LRRTM4: variants seen among roughly 807,000 people sequenced by gnomAD.
LRRTM4 encodes leucine rich repeat transmembrane neuronal 4.
LRRTM4 carries 25 observed loss-of-function variants against 47.6 expected under a neutral mutation model. That is an observed-to-expected ratio of 0.53 (90% CI 0.38 to 0.73). The LOEUF is 0.73. Among genes scored for constraint, LRRTM4 ranks in the 30% least tolerant of loss-of-function variants. LRRTM4 has a pLI of 0.00. For synonymous variants in LRRTM4, 311 were observed against 269.5 expected, an observed-to-expected ratio of 1.15 and a Z score of -1.51; for missense variants, 638 against 713.4, an observed-to-expected ratio of 0.89 and a Z score of 1.20.
intron 3 of LRRTM4, among the ~76,000 whole-genome samples, chr2:76,991,213 A>C (rs1161680364): frequency 6.6e-6 from 1 of 151,662 alleles, no homozygotes; most frequent in Non-Finnish European, 1.5e-5. Flanking sequence ...CAAATTAATG[A>C]TCTAACATTA....
chr2:77,450,605 CTT>C (rs1288683427), intron 3 of LRRTM4, among the ~76,000 whole-genome samples: 2 of 152,086 alleles, frequency 1.3e-5, no homozygotes, highest in African/African-American at 4.8e-5. Context: ...TGTTGCCTCT[CTT>C]TGTCTCTAGA....
At chr2:76,988,792 G>A (rs767461575) in intron 3 of LRRTM4, among the ~76,000 whole-genome samples, 1 of 141,674 alleles carries the variant, frequency 7.1e-6, no homozygotes, top group Non-Finnish European at 1.5e-5. Flanking sequence ...CGCGTTACCT[G>A]GACTTGACAT....
At chr2:76,880,149 A>T (rs1179571811) in intron 3 of LRRTM4, among the ~76,000 whole-genome samples, 1 of 152,242 alleles carries the variant, frequency 6.6e-6, no homozygotes, top group Non-Finnish European at 1.5e-5. Context: ...ATAGGGTTTG[A>T]GAGGGTTGAC....
chr2:77,201,804 A>G (rs1163675293), intron 3 of LRRTM4, among the ~76,000 whole-genome samples: 2 of 152,186 alleles, frequency 1.3e-5, no homozygotes, highest in Non-Finnish European at 2.9e-5. Flanking sequence ...AATAGCCATG[A>G]ACCTAACCTC....
At chr2:76,802,767 C>G (rs1364740630) in intron 3 of LRRTM4, among the ~76,000 whole-genome samples, 2 of 152,012 alleles carry the variant, frequency 1.3e-5, no homozygotes, top group Admixed American at 1.3e-4. Context: ...AAAACAGACA[C>G]ATAGGATAGA....
chr2:77,412,954 G>T (rs905569244), intron 3 of LRRTM4, among the ~76,000 whole-genome samples: 2 of 151,976 alleles, frequency 1.3e-5, no homozygotes, highest in African/African-American at 4.8e-5. Flanking sequence ...TCTTATCATT[G>T]TTCAGCAATT....
chr2:76,799,629 G>A (rs1259689936), intron 3 of LRRTM4, among the ~76,000 whole-genome samples: 1 of 136,902 alleles, frequency 7.3e-6, no homozygotes, highest in Non-Finnish European at 1.6e-5. Flanking sequence ...AGGAAATAAA[G>A]GGTATTCAAT....
chr2:77,200,911 C>T (rs1371430), intron 3 of LRRTM4, among the ~76,000 whole-genome samples: 9,335 of 152,148 alleles, frequency 0.061, 480 homozygotes, highest in East Asian at 0.33. Context: ...CTCCACCTGC[C>T]ACAACTGCCT....
chr2:76,925,298 G>T (rs1360723018), intron 3 of LRRTM4, among the ~76,000 whole-genome samples: 1 of 152,134 alleles, frequency 6.6e-6, no homozygotes, highest in Non-Finnish European at 1.5e-5. Flanking sequence ...GCTTCCAGCA[G>T]ATGACAGCCT....
intron 3 of LRRTM4, among the ~76,000 whole-genome samples, chr2:76,750,666 A>G (rs1672820226): frequency 6.6e-6 from 1 of 152,160 alleles, no homozygotes. Flanking sequence ...CTTAAATATA[A>G]TTCAGCAAAC....
At chr2:77,244,164 C>G (rs1301276414) in intron 3 of LRRTM4, among the ~76,000 whole-genome samples, 4 of 134,154 alleles carry the variant, frequency 3.0e-5, no homozygotes, top group African/African-American at 1.2e-4. Flanking sequence ...TTAATCCAGT[C>G]TATCATTGTT....
At chr2:76,780,742 GTCT>G (rs916398861) in intron 3 of LRRTM4, among the ~76,000 whole-genome samples, 4 of 152,132 alleles carry the variant, frequency 2.6e-5, no homozygotes, top group African/African-American at 7.2e-5. Flanking sequence ...ATTGTCTGAA[GTCT>G]TCTTCTCTCA....
rs897946885 is a variant in LRRTM4 at position 76,952,959 on chromosome 2, A to G, written c.1552-204043T>C. 1.1e-4 allele frequency among the ~76,000 whole-genome samples: 17 copies of G among 151,920 alleles called. 1 individual carries two copies. The highest frequency in any genetic ancestry group is 3.4e-4 in the African/African-American group (14 of 41,384). Reference sequence around the variant, plus strand: ...AGGAAACTACTGCCTGTTCTCCCTTATAAGTGGGAGCTGAACATTTAGCAT... The same window carrying G: ...AGGAAACTACTGCCTGTTCTCCCTTGTAAGTGGGAGCTGAACATTTAGCAT... On this transcript the variant is annotated intron_variant, in intron 3 of 3. Transcript: ENST00000409884.
chr2:77,013,987 A>T (rs1430836442), intron 3 of LRRTM4, among the ~76,000 whole-genome samples: 1 of 152,200 alleles, frequency 6.6e-6, no homozygotes, highest in Non-Finnish European at 1.5e-5. Flanking sequence ...TATGGAAAAT[A>T]AAGTTCCTTT....
chr2:77,500,744 C>T lies in LRRTM4; in HGVS notation c.1551+17574G>A, dbSNP rs984957153. The stretch of plus-strand genomic sequence containing the variant: ...CAATTCCAATTAAATGTATCAAAGA[C>T]ACTTTATTAGGGTACTGACATAATA... On this transcript the variant is annotated intron_variant, in intron 3 of 3. Transcript: ENST00000409884. Among the ~76,000 whole-genome samples, 37 of 151,510 alleles carry T rather than the reference C, an allele frequency of 2.4e-4. 1 individual carries two copies. Among genetic ancestry groups the T allele is most frequent in the African/African-American group, 9.0e-4 (37 of 41,338 alleles).
chr2:77,379,699 A>G (rs934350146), intron 3 of LRRTM4, among the ~76,000 whole-genome samples: 9 of 152,054 alleles, frequency 5.9e-5, no homozygotes, highest in African/African-American at 2.2e-4. Flanking sequence ...CTATGAATAA[A>G]TTCTGTTTTG....
At position 77,071,170 on chromosome 2, in the gene LRRTM4, A is replaced by T. The variant is rs182243924; in HGVS notation, c.1552-322254T>A. ...TCAATGCCAAAAACAAATCATCAAA[A>T]TCTTCGCAAAGGACGTAAAAATGAT... On this transcript the variant is annotated intron_variant, in intron 3 of 3. Coordinates refer to ENST00000409884, the MANE Select transcript of LRRTM4 (RefSeq NM_001134745.3). Among the ~76,000 whole-genome samples the T allele has an allele frequency of 1.2e-3, 182 of 152,284 alleles. 1 individual carries two copies. The highest frequency in any genetic ancestry group is 0.01 in the Middle Eastern group (3 of 294).
chr2:77,515,787 A>AT (rs1405907850), intron 3 of LRRTM4, among the ~76,000 whole-genome samples: 1 of 151,830 alleles, frequency 6.6e-6, no homozygotes, highest in East Asian at 1.9e-4. Context: ...TTGTAGAGAG[A>AT]TTTTGTCCAA....
chr2:76,800,973 A>G (rs1573130553), intron 3 of LRRTM4, among the ~76,000 whole-genome samples: 1 of 149,900 alleles, frequency 6.7e-6, no homozygotes, highest in Admixed American at 6.7e-5. Flanking sequence ...ATACCATCTC[A>G]CACCAGTTAG....
Sources: allele counts gnomAD v4.1 joint callset (sites outside exome capture counted in the v4.1 genomes callset), GRCh38; gene constraint gnomAD v4.1.1; transcripts MANE v1.5; gene names NCBI Gene and HGNC (gene_info 2026-07-23, HGNC 2026-07-21).